The following ROCK2 variants were observed in gnomAD, a reference collection of about 807,000 sequenced individuals.
The protein encoded by ROCK2 is Rho associated coiled-coil containing protein kinase 2, also known as rho-associated protein kinase 2.
A neutral mutation model predicts 195.1 loss-of-function variants in ROCK2; 61 were observed. The ratio of observed to expected loss-of-function variants is 0.31; its 90% CI spans 0.25 to 0.39. The LOEUF is 0.39. ROCK2 is among the 10% of genes least tolerant of loss of function. The pLI is 1.00. For missense variants in ROCK2, 1,109 were observed against 1,637.4 expected, an observed-to-expected ratio of 0.68 and a Z score of 5.57; for synonymous variants, 504 against 545.5, an observed-to-expected ratio of 0.92 and a Z score of 1.06.
At chr2:11,243,842 A>G (rs927143089) in intron 4 of ROCK2, among the ~76,000 whole-genome samples, 3 of 152,232 alleles carry the variant, frequency 2.0e-5, no homozygotes, top group Non-Finnish European at 4.4e-5. Flanking sequence ...AGTTTAATGT[A>G]TCAATACTGG....
intron 20 of ROCK2, 40 bp from the exon 21 acceptor site, chr2:11,202,161 A>G (rs752463012): frequency 7.2e-6 from 11 of 1,524,336 alleles, no homozygotes; most frequent in Admixed American, 1.7e-5. Flanking sequence ...TAACTTACAC[A>G]TATTTTAAAC....
chr2:11,281,825 C>G (rs1222523944), intron 3 of ROCK2, among the ~76,000 whole-genome samples: 1 of 152,062 alleles, frequency 6.6e-6, no homozygotes, highest in African/African-American at 2.4e-5. Context: ...ATGAGGAAAA[C>G]TACAAAACTC....
chr2:11,197,465 T>C lies in ROCK2; in HGVS notation c.3279+61A>G. 2.6e-6 allele frequency: 4 copies of C among 1,552,436 alleles called. No homozygotes were observed. Among genetic ancestry groups the C allele is most frequent in the Admixed American group, 1.9e-5 (1 of 53,260 alleles). ...GTCTATAACCAGTAAAACACAGACATGAAAATAATTCTACTTCTTAAAAAG... is the reference window on the plus strand; with the variant it reads ...GTCTATAACCAGTAAAACACAGACACGAAAATAATTCTACTTCTTAAAAAG... On this transcript the variant is annotated intron_variant, in intron 26 of 32. Coordinates refer to ENST00000315872, the MANE Select transcript of ROCK2 (RefSeq NM_004850.5). The surrounding 1 kb of genome is among the most constrained non-coding windows in gnomAD (Gnocchi z 4.9).
chr2:11,259,064 G>A (rs536721706), intron 3 of ROCK2, among the ~76,000 whole-genome samples: 1 of 151,362 alleles, frequency 6.6e-6, no homozygotes, highest in Admixed American at 6.5e-5. Flanking sequence ...GTGAGGACAG[G>A]GGAAAAGAAA....
At chr2:11,305,232 T>C (rs1667819598) in intron 1 of ROCK2, among the ~76,000 whole-genome samples, 1 of 151,960 alleles carries the variant, frequency 6.6e-6, no homozygotes, top group Admixed American at 6.6e-5. Context: ...AAAAATTAGC[T>C]GGGCATGGTG....
intron 3 of ROCK2, among the ~76,000 whole-genome samples, chr2:11,269,834 T>C (rs1241065658): frequency 6.6e-6 from 1 of 152,168 alleles, no homozygotes; most frequent in Non-Finnish European, 1.5e-5. Flanking sequence ...CACAGGAGCC[T>C]TGACCTCCCA....
intron 1 of ROCK2, among the ~76,000 whole-genome samples, chr2:11,333,170 A>C (rs1291522052): frequency 6.6e-6 from 1 of 152,238 alleles, no homozygotes; most frequent in Admixed American, 6.5e-5. Context: ...CCTCAATAAA[A>C]CAGTTGAAAA....
chr2:11,223,215 T>C lies in ROCK2; in HGVS notation c.1008-1041A>G, dbSNP rs989071182. On this transcript the variant is annotated intron_variant, in intron 7 of 32. Coordinates refer to ENST00000315872, the MANE Select transcript of ROCK2 (RefSeq NM_004850.5). ...CACCAACTGCTCGTCAACCATGTAA[T>C]TGACAGGTATTAAAGTTTTATTCTA... is the stretch of plus-strand genomic sequence containing the variant. Among the ~76,000 whole-genome samples, 3 of 152,178 alleles carry C rather than the reference T, an allele frequency of 2.0e-5. No homozygotes were observed. In the East Asian group the frequency reaches 5.8e-4, roughly 29 times the overall value.
intron 7 of ROCK2, among the ~76,000 whole-genome samples, chr2:11,224,040 G>A (rs1020601491): frequency 3.3e-5 from 5 of 152,080 alleles, no homozygotes; most frequent in Admixed American, 2.6e-4. Flanking sequence ...TGAACAACAC[G>A]AAAGTTTTAT....
intron 3 of ROCK2, among the ~76,000 whole-genome samples, chr2:11,259,467 C>T (rs964758656): frequency 1.3e-5 from 2 of 151,290 alleles, no homozygotes; most frequent in Admixed American, 6.6e-5. Flanking sequence ...CAAAATCATA[C>T]AAATATGGGT....
intron 1 of ROCK2, among the ~76,000 whole-genome samples, chr2:11,317,571 C>T (rs1459457560): frequency 1.5e-5 from 1 of 66,104 alleles, no homozygotes; most frequent in Non-Finnish European, 2.8e-5. Context: ...CCCTGATCTA[C>T]ACATTTATAT....
intron 32 of ROCK2, among the ~76,000 whole-genome samples, chr2:11,188,321 G>A (rs1447354183): frequency 6.6e-6 from 1 of 151,898 alleles, no homozygotes; most frequent in Non-Finnish European, 1.5e-5. Flanking sequence ...TCTTGGCCAG[G>A]CTTGTCTTGA....
chr2:11,285,134 T>C (rs1395641353), intron 3 of ROCK2, among the ~76,000 whole-genome samples: 1 of 151,950 alleles, frequency 6.6e-6, no homozygotes. Flanking sequence ...TGGTGGTGCA[T>C]GCCTGTAATC....
At chr2:11,281,700 T>C (rs1667009889) in intron 3 of ROCK2, among the ~76,000 whole-genome samples, 1 of 152,200 alleles carries the variant, frequency 6.6e-6, no homozygotes, top group Non-Finnish European at 1.5e-5. Flanking sequence ...ATTAAATTCC[T>C]GTATATGAGC....
intron 1 of ROCK2, among the ~76,000 whole-genome samples, chr2:11,304,959 G>A (rs1404680375): frequency 1.3e-5 from 2 of 152,222 alleles, no homozygotes; most frequent in Non-Finnish European, 2.9e-5. Flanking sequence ...ACCGAACTAG[G>A]CTCATACTAA....
rs2230775 is a variant in ROCK2, at chr2:11,192,282, C to A, written c.4029G>T (p.Arg1343=). 0.016 allele frequency: 25,156 copies of A among 1,613,826 alleles called. 342 individuals carry two copies. The highest frequency in any genetic ancestry group is 0.06 in the East Asian group (2,698 of 44,862). ...GCTTTTTAGGTATCTTTTTCACCAA[C>A]CGACTAACCCACTTCTGCTGCTCTT... is the stretch of plus-strand genomic sequence containing the variant. ...STEEQQKWVS[R]LVKKIPKKPP... is the part of the protein sequence containing the mutation. The change falls in exon 32 of 33, where the codon CGG becomes CGT. Residue 1343 remains arginine, a synonymous_variant. Transcript: ENST00000315872. The surrounding 1 kb of genome is among the most constrained non-coding windows in gnomAD (Gnocchi z 5.0).
At chr2:11,284,299 A>G (rs1667111548) in intron 3 of ROCK2, among the ~76,000 whole-genome samples, 3 of 152,210 alleles carry the variant, frequency 2.0e-5, no homozygotes, top group East Asian at 1.9e-4. Flanking sequence ...TGAAAATACT[A>G]TGTATAATAG....
intron 1 of ROCK2, among the ~76,000 whole-genome samples, chr2:11,331,697 C>T (rs1668771499): frequency 2.0e-5 from 3 of 152,000 alleles, no homozygotes; most frequent in Admixed American, 6.5e-5. Context: ...GAGGCCAAGG[C>T]GGGTGGATCA....
At chr2:11,242,388 A>T (rs1050008568) in intron 4 of ROCK2, among the ~76,000 whole-genome samples, 1 of 152,142 alleles carries the variant, frequency 6.6e-6, no homozygotes, top group Admixed American at 6.6e-5. Context: ...CAAGCCGCAC[A>T]GAGGGTATCA....
Sources: allele counts gnomAD v4.1 joint callset (sites outside exome capture counted in the v4.1 genomes callset), GRCh38; gene constraint gnomAD v4.1.1; non-coding constraint Gnocchi (gnomAD v3.1); transcripts MANE v1.5; gene names NCBI Gene and HGNC (gene_info 2026-07-23, HGNC 2026-07-21).